The following ZNF107 variants were observed in gnomAD, a reference collection of about 807,000 sequenced individuals.
The protein encoded by ZNF107 is zinc finger protein 107.
Under a neutral mutation model 12.3 loss-of-function variants are expected in ZNF107, and 19 were observed. The observed-to-expected ratio is 1.55, with a 90% CI of 1.08 to 2.27. The LOEUF is 2.27. ZNF107 is among the 30% of genes most tolerant of loss of function. The probability of loss-of-function intolerance (pLI) is 0.00; values close to 1 mark genes in which losing one functional copy is unlikely to be tolerated. For synonymous variants in ZNF107, 317 were observed against 330.5 expected, an observed-to-expected ratio of 0.96 and a Z score of 0.44; for missense variants, 958 against 979.9, an observed-to-expected ratio of 0.98 and a Z score of 0.30.
chr7:64,703,225 T>A (rs1380599865), intron 3 of ZNF107, among the ~76,000 whole-genome samples: 1 of 152,236 alleles, frequency 6.6e-6, no homozygotes, highest in Non-Finnish European at 1.5e-5. Context: ...TTTAAGACAG[T>A]GTGGAGCAAA....
chr7:64,669,875 G>C (rs1430264191), intron 1 of ZNF107, among the ~76,000 whole-genome samples: 1 of 152,194 alleles, frequency 6.6e-6, no homozygotes, highest in Admixed American at 6.5e-5. Context: ...AAACCCAAGT[G>C]AATAACCTTG....
At chr7:64,671,905 C>T (rs1721331286) in intron 1 of ZNF107, among the ~76,000 whole-genome samples, 1 of 151,666 alleles carries the variant, frequency 6.6e-6, no homozygotes, top group Non-Finnish European at 1.5e-5. Flanking sequence ...CCTCAGCCTC[C>T]CGAGTAGCTG....
chr7:64,680,503 T>C (rs377229339), intron 1 of ZNF107, among the ~76,000 whole-genome samples: 5 of 152,178 alleles, frequency 3.3e-5, no homozygotes, highest in Non-Finnish European at 7.4e-5. Context: ...TCTCCTGGTA[T>C]GGCCGGGCGA....
chr7:64,666,376 G>A (rs1789002214), intron 1 of ZNF107, 91 bp downstream of exon 1: 1 of 1,536,148 alleles, frequency 6.5e-7, no homozygotes, highest in African/African-American at 1.4e-5. Flanking sequence ...GGCCTCCAAA[G>A]TCCGCGGCCC....
At chr7:64,683,915 G>A (rs1789791839) in intron 1 of ZNF107, among the ~76,000 whole-genome samples, 1 of 152,126 alleles carries the variant, frequency 6.6e-6, no homozygotes, top group Admixed American at 6.5e-5. Context: ...ATCTGAAAAG[G>A]CTGCAGCAGT....
chr7:64,686,320 CCTT>C (rs909309356), intron 1 of ZNF107, among the ~76,000 whole-genome samples: 3 of 152,094 alleles, frequency 2.0e-5, no homozygotes, highest in African/African-American at 4.8e-5. Context: ...CCATCATTCT[CCTT>C]CTCCTATTTG....
rs753915235 is a variant in ZNF107, at chr7:64,706,372, A to G, written c.275A>G (p.Lys92Arg). 3 of 1,608,986 alleles carry G rather than the reference A, an allele frequency of 1.9e-6. No homozygotes were observed. Among genetic ancestry groups the G allele is most frequent in the Non-Finnish European group, 1.7e-6 (2 of 1,177,228 alleles). Residue 92 changes from lysine to arginine, a missense_variant, in exon 4 of 4, where the codon AAA becomes AGA. Physicochemically the swap from Lys to Arg is conservative, Grantham distance 26 (BLOSUM62 2). Coordinates refer to ENST00000620827, the MANE Select transcript of ZNF107 (RefSeq NM_001282359.2). ...GACCTTTGGCCAGAGCAGAACATAA[A>G]AGATTCTTTCCAGAAAGTGACACTG... ...AQDLWPEQNI[K>R]DSFQKVTLRR...
At chr7:64,676,693 C>G (rs962605009) in intron 1 of ZNF107, among the ~76,000 whole-genome samples, 80 of 152,272 alleles carry the variant, frequency 5.3e-4, no homozygotes, top group African/African-American at 1.9e-3. Flanking sequence ...TACCTCCCCC[C>G]ATATGTGTCC....
At chr7:64,700,993 G>A (rs1790458525) in intron 3 of ZNF107, among the ~76,000 whole-genome samples, 1 of 152,072 alleles carries the variant, frequency 6.6e-6, no homozygotes, top group Admixed American at 6.5e-5. Flanking sequence ...ATGTTGCTAT[G>A]TATTTCTTGC....
At position 64,708,737 on chromosome 7, in the gene ZNF107, A is replaced by T; in HGVS notation, c.*81A>T. On this transcript the variant is annotated 3_prime_UTR_variant, in exon 4 of 4. Transcript: ENST00000620827. The stretch of plus-strand genomic sequence containing the variant: ...ATGTGAAGAATGTGTTAAAGCCTTT[A>T]ACAAGTCTTCAACTTTTTCTGCACA... 1.4e-6 allele frequency: 2 copies of T among 1,397,076 alleles called. No homozygotes were observed. The allele number at this position is 1,397,076 out of a possible 1,614,324, so 86.5% of individuals were successfully genotyped here.
chr7:64,691,806 A>G, intron 2 of ZNF107, 59 bp from the exon 3 acceptor site: 3 of 983,186 alleles, frequency 3.1e-6, no homozygotes, highest in Non-Finnish European at 4.0e-6. Flanking sequence ...ACCTTACTGG[A>G]TTAGTAATTG....
intron 1 of ZNF107, among the ~76,000 whole-genome samples, chr7:64,689,106 A>G (rs188158387): frequency 1.1e-3 from 163 of 152,246 alleles, no homozygotes; most frequent in Non-Finnish European, 1.2e-3. Context: ...ATGTAGCTTC[A>G]GCTTTTTCCT....
At position 64,707,013 on chromosome 7, in the gene ZNF107, C is replaced by G. The variant is rs771676972; in HGVS notation, c.916C>G (p.Leu306Val). ...CTCACACCTTACTACACAAAAGATACTTCACACTGGAGAGAACCTCTACAA... is the reference window on the plus strand; with the variant it reads ...CTCACACCTTACTACACAAAAGATAGTTCACACTGGAGAGAACCTCTACAA... The part of the protein sequence containing the change: ...QSSHLTTQKI[L>V]HTGENLYKCK... The change falls in exon 4 of 4, where the codon CTT (leucine) becomes GTT (valine). Residue 306 changes from leucine to valine, a missense_variant. Coordinates refer to ENST00000620827, the MANE Select transcript of ZNF107 (RefSeq NM_001282359.2). 6.2e-7 allele frequency: 1 copy of G among 1,612,630 alleles called. No individual in the cohort carries two copies. The highest frequency in any genetic ancestry group is 1.7e-5 in the Admixed American group (1 of 59,906).
At chr7:64,705,420 T>A (rs923212837) in intron 3 of ZNF107, among the ~76,000 whole-genome samples, 4 of 152,242 alleles carry the variant, frequency 2.6e-5, no homozygotes, top group Non-Finnish European at 4.4e-5. Flanking sequence ...GGAGTGTTAT[T>A]CAATTTACTT....
chr7:64,705,322 A>G (rs1013059628), intron 3 of ZNF107, among the ~76,000 whole-genome samples: 1 of 149,920 alleles, frequency 6.7e-6, no homozygotes, highest in Non-Finnish European at 1.5e-5. Flanking sequence ...TTACCTCCAC[A>G]ATTTCTGTTT....
Position 64,709,975 on chromosome 7 carries a change from A to C in ZNF107, c.*1319A>C. The C allele has an allele frequency of 3.8e-6, 1 of 259,998 alleles. No homozygotes were observed. Among genetic ancestry groups the C allele is most frequent in the Non-Finnish European group, 7.5e-6 (1 of 133,374 alleles). The allele number at this position is 259,998 out of a possible 1,614,324, so 16.1% of individuals were successfully genotyped here. A position where few individuals can be genotyped will look rare whatever the true frequency, so the allele number is the denominator to read the frequency against. ...CCCCATCTCTATTAAAAATTTTACA[A>C]AAATTAGCTGCGTGTGGTGGCAGGC... On this transcript the variant is annotated 3_prime_UTR_variant, in exon 4 of 4. Transcript: ENST00000620827.
intron 1 of ZNF107, chr7:64,669,248 T>A (rs1789131705): frequency 6.6e-6 from 1 of 151,646 alleles, no homozygotes; most frequent in Admixed American, 6.6e-5. Flanking sequence ...ACTCCTGACC[T>A]CAAGTGATCT....
chr7:64,668,107 T>C (rs1562819931), intron 1 of ZNF107, among the ~76,000 whole-genome samples: 2 of 151,954 alleles, frequency 1.3e-5, no homozygotes, highest in East Asian at 3.9e-4. Flanking sequence ...GAGAATCTAG[T>C]GTTTGGGTGG....
chr7:64,706,914 A>G lies in ZNF107; in HGVS notation c.817A>G (p.Thr273Ala), dbSNP rs575032757. 23 of 1,612,490 alleles carry G rather than the reference A, an allele frequency of 1.4e-5. No homozygotes were observed. The South Asian group carries it at 2.3e-4, about 16-fold the overall frequency. The change falls in exon 4 of 4, where the codon ACT (threonine) becomes GCT (alanine). Residue 273 changes from threonine to alanine, a missense_variant. By Grantham distance (58) the Thr-to-Ala change is moderately conservative (BLOSUM62 0). Coordinates refer to ENST00000620827, the MANE Select transcript of ZNF107 (RefSeq NM_001282359.2). ...GKAFKQASHL[T>A]IHKIIHTGEK... The stretch of plus-strand genomic sequence containing the variant: ...GGCCTTTAAACAGGCCTCACACCTT[A>G]CTATACATAAAATAATTCATACTGG...
Sources: allele counts gnomAD v4.1 joint callset (sites outside exome capture counted in the v4.1 genomes callset), GRCh38; gene constraint gnomAD v4.1.1; transcripts MANE v1.5; gene names NCBI Gene and HGNC (gene_info 2026-07-23, HGNC 2026-07-21).